NR3C1: variants seen among roughly 807,000 people sequenced by gnomAD.
NR3C1 encodes glucocorticoid receptor.
In NR3C1, 14 loss-of-function variants were observed where a neutral mutation model predicts 74.0. That is an observed-to-expected ratio of 0.19 (90% CI 0.12 to 0.30). The LOEUF is 0.30. Ranked by LOEUF, NR3C1 falls within the 10% of genes least tolerant of loss-of-function variation. The pLI is 1.00. For missense variants in NR3C1, 695 were observed against 909.8 expected, an observed-to-expected ratio of 0.76 and a Z score of 3.04; for synonymous variants, 308 against 332.5, an observed-to-expected ratio of 0.93 and a Z score of 0.80.
chr5:143,282,761 C>CTTTT, intron 7 of NR3C1, 36 bp from the exon 8 acceptor site: 1 of 1,530,740 alleles, frequency 6.5e-7, no homozygotes, highest in Non-Finnish European at 8.8e-7. Flanking sequence ...AAAGGATTTT[C>CTTTT]TTTTTCTTTT....
intron 1 of NR3C1, among the ~76,000 whole-genome samples, chr5:143,433,396 A>G (rs1472902545): frequency 2.1e-5 from 3 of 146,288 alleles, no homozygotes; most frequent in Non-Finnish European, 4.5e-5. Flanking sequence ...CACTAAATAT[A>G]TATATATATA....
At chr5:143,325,805 T>C (rs1459527319) in intron 2 of NR3C1, among the ~76,000 whole-genome samples, 1 of 152,152 alleles carries the variant, frequency 6.6e-6, no homozygotes, top group East Asian at 1.9e-4. Context: ...GGCTGCTATA[T>C]TTAGTAAATA....
At chr5:143,305,095 C>T (rs1819294322) in intron 4 of NR3C1, among the ~76,000 whole-genome samples, 2 of 152,026 alleles carry the variant, frequency 1.3e-5, no homozygotes, top group East Asian at 1.9e-4. Context: ...TCACAATCTA[C>T]AGAATGGGAG....
chr5:143,293,864 C>CT (rs201491533), intron 7 of NR3C1: 61,418 of 770,890 alleles, frequency 0.08, 22 homozygotes, highest in Non-Finnish European at 0.087. Context: ...TGAAACCATT[C>CT]TTTTTTTTTT....
chr5:143,279,522 G>A lies in NR3C1; in HGVS notation c.*2367C>T, dbSNP rs568718223. The stretch of plus-strand genomic sequence containing the variant: ...AGGCACCAAAAATTTATCCAGCCGG[G>A]TTACACACCATCTTAAAATATTACA... On this transcript the variant is annotated 3_prime_UTR_variant, in exon 9 of 9. Transcript: ENST00000394464. The A allele has an allele frequency of 1.0e-4, 104 of 1,026,606 alleles. No homozygotes were observed. In the East Asian group the frequency reaches 3.2e-3, roughly 31 times the overall value. The allele number at this position is 1,026,606 out of a possible 1,614,324, so 63.6% of individuals were successfully genotyped here.
chr5:143,382,695 G>C (rs984039445), intron 2 of NR3C1, among the ~76,000 whole-genome samples: 4 of 152,202 alleles, frequency 2.6e-5, no homozygotes, highest in African/African-American at 7.2e-5. Context: ...ACTGGACCTA[G>C]TTTCCTCATA....
At chr5:143,381,902 C>A (rs978202997) in intron 2 of NR3C1, among the ~76,000 whole-genome samples, 2 of 152,160 alleles carry the variant, frequency 1.3e-5, no homozygotes, top group African/African-American at 2.4e-5. Context: ...AATGCACAGG[C>A]AACCAATGCA....
At chr5:143,342,799 G>A (rs1438928921) in intron 2 of NR3C1, among the ~76,000 whole-genome samples, 1 of 152,136 alleles carries the variant, frequency 6.6e-6, no homozygotes, top group Non-Finnish European at 1.5e-5. Flanking sequence ...ACAAGGAAAA[G>A]GCCAGTTAAA....
chr5:143,349,349 A>T (rs1037206505), intron 2 of NR3C1, among the ~76,000 whole-genome samples: 7 of 152,118 alleles, frequency 4.6e-5, no homozygotes, highest in Admixed American at 3.3e-4. Flanking sequence ...ATGACTCATC[A>T]TTTCATGTTT....
chr5:143,406,537 CTA>C (rs1340759132), upstream of NR3C1, among the ~76,000 whole-genome samples: 2 of 152,070 alleles, frequency 1.3e-5, no homozygotes, highest in African/African-American at 4.8e-5. Flanking sequence ...CATGCATGAA[CTA>C]TAAGTTAACC....
At chr5:143,293,926 T>A (rs1217362980) in intron 7 of NR3C1, 36 of 982,762 alleles carry the variant, frequency 3.7e-5, no homozygotes, top group Non-Finnish European at 4.3e-5. Flanking sequence ...TATACCTTCA[T>A]GGTATCAATC....
intron 3 of NR3C1, among the ~76,000 whole-genome samples, chr5:143,313,741 C>T (rs766748475): frequency 1.3e-5 from 2 of 152,108 alleles, no homozygotes; most frequent in Admixed American, 6.6e-5. Flanking sequence ...CATATGATAG[C>T]ACTTTCTTAT....
chr5:143,387,203 G>A (rs1333883782), intron 2 of NR3C1, among the ~76,000 whole-genome samples: 1 of 152,120 alleles, frequency 6.6e-6, no homozygotes, highest in African/African-American at 2.4e-5. Flanking sequence ...ACTCTTAACT[G>A]AATCTCAGGG....
intron 2 of NR3C1, among the ~76,000 whole-genome samples, chr5:143,386,403 T>C (rs370145948): frequency 2.6e-5 from 4 of 152,302 alleles, no homozygotes; most frequent in South Asian, 4.1e-4. Flanking sequence ...ACCACATGAA[T>C]AGAATATTGT....
Position 143,403,505 on chromosome 5 carries a change from G to A in NR3C1, c.-308C>T, listed in dbSNP as rs939701709. On this transcript the variant is annotated 5_prime_UTR_variant, in exon 1 of 9. Coordinates refer to ENST00000394464, the MANE Select transcript of NR3C1 (RefSeq NM_000176.3). ...CAGCTGCTTCGGCCGCTCCGGCTGC[G>A]GCGTCTCCTTCCACCCACAGAATCC... 2 of 985,228 alleles carry A rather than the reference G, an allele frequency of 2.0e-6. No homozygotes were observed. The highest frequency in any genetic ancestry group is 5.2e-4 in the Middle Eastern group (1 of 1,912). 61.0% of individuals were successfully genotyped at this position (985,228 alleles called of 1,614,324 possible).
chr5:143,282,211 TTTGA>T (rs2151474120), intron 8 of NR3C1, among the ~76,000 whole-genome samples, 170 bp from the exon 9 acceptor site: 1 of 152,322 alleles, frequency 6.6e-6, no homozygotes, highest in South Asian at 2.1e-4. Context: ...TTTATATTTC[TTTGA>T]TTGTATGTAG....
chr5:143,298,839 G>A lies in NR3C1; in HGVS notation c.1748-27C>T, dbSNP rs377370257. On this transcript the variant is annotated intron_variant, in intron 5 of 8. Transcript: ENST00000394464. The stretch of plus-strand genomic sequence containing the variant: ...TGAATTAAGAGAAATAAAGGTATGA[G>A]GCAACACTCTTCAGAAGATCATCTC... 14 of 1,608,058 alleles carry A rather than the reference G, an allele frequency of 8.7e-6. No homozygotes were observed. The African/African-American group carries it at 1.1e-4, about 12-fold the overall frequency.
At position 143,279,265 on chromosome 5, in the gene NR3C1, A is replaced by G. The variant is rs1403785791; in HGVS notation, c.*2624T>C. ...AATGAAAAGCCTCCTATAGTTGTCG[A>G]TGAGCATCAGTTGACTTATTATTGA... On this transcript the variant is annotated 3_prime_UTR_variant, in exon 9 of 9. Transcript: ENST00000394464. 2.2e-6 allele frequency: 3 copies of G among 1,378,922 alleles called. No individual in the cohort carries two copies. Among genetic ancestry groups the G allele is most frequent in the Non-Finnish European group, 2.9e-6 (3 of 1,019,390 alleles). The allele number at this position is 1,378,922 out of a possible 1,614,324, so 85.4% of individuals were successfully genotyped here.
intron 2 of NR3C1, among the ~76,000 whole-genome samples, chr5:143,377,674 T>G (rs1244017268): frequency 6.6e-6 from 1 of 152,214 alleles, no homozygotes; most frequent in African/African-American, 2.4e-5. Context: ...ATACACCCTA[T>G]CAGCAGGCAA....
Sources: gnomAD v4.1 joint callset for allele counts (sites outside exome capture counted in the v4.1 genomes callset) on GRCh38, gnomAD v4.1.1 for gene constraint, MANE v1.5 for transcripts, NCBI Gene and HGNC (gene_info 2026-07-23, HGNC 2026-07-21) for gene names.